Variants in SMG1 observed in about 807,000 individuals in gnomAD.
The protein encoded by SMG1 is SMG1 nonsense mediated mRNA decay associated PI3K related kinase, also known as serine/threonine-protein kinase SMG1.
In SMG1, 22 loss-of-function variants were observed where a neutral mutation model predicts 419.9. The observed-to-expected ratio is 0.05, with a 90% confidence interval of 0.04 to 0.07. The LOEUF is 0.07. SMG1 is among the 10% of genes least tolerant of loss of function. The probability of loss-of-function intolerance (pLI) is 1.00; values close to 1 mark genes in which losing one functional copy is unlikely to be tolerated. For missense variants in SMG1, 3,185 were observed against 4,342.0 expected (o/e 0.73, Z 7.49); for synonymous variants, 1,538 against 1,553.5 (o/e 0.99, Z 0.23).
At chr16:18,835,535 G>A (rs753375482) in intron 48 of SMG1, among the ~76,000 whole-genome samples, 10 of 152,278 alleles carry the variant, frequency 6.6e-5, no homozygotes, top group Non-Finnish European at 1.3e-4. Context: ...CAGCTACTTG[G>A]GAGGCTGAAG....
intron 8 of SMG1, 63 bp from the exon 9 acceptor site, chr16:18,884,230 T>A: frequency 1.3e-6 from 1 of 747,814 alleles, no homozygotes; most frequent in South Asian, 1.8e-5. Flanking sequence ...AAATCCAAAT[T>A]AAAAAAAAAT....
intron 51 of SMG1, among the ~76,000 whole-genome samples, chr16:18,831,704 C>T (rs964713830): frequency 2.1e-5 from 3 of 146,108 alleles, no homozygotes; most frequent in East Asian, 2.0e-4. Flanking sequence ...TGCAGCGAGC[C>T]GAGATCGCAC....
chr16:18,853,396 TC>T (rs1482611995), intron 31 of SMG1, among the ~76,000 whole-genome samples, 186 bp downstream of exon 31: 1 of 152,190 alleles, frequency 6.6e-6, no homozygotes, highest in African/African-American at 2.4e-5. Context: ...GGGGCAGAGT[TC>T]AGTGACTCCC....
intron 41 of SMG1, 135 bp from the exon 42 acceptor site, chr16:18,840,081 T>C (rs2033828119): frequency 2.9e-6 from 2 of 684,678 alleles, no homozygotes; most frequent in Admixed American, 5.9e-5. Flanking sequence ...CTAAATTTCA[T>C]GTATTAATAC....
Position 18,879,499 on chromosome 16 carries a change from G to T in SMG1, c.1514C>A (p.Thr505Lys), listed in dbSNP as rs555498556. 3.7e-6 allele frequency: 3 copies of T among 815,246 alleles called. No individual in the cohort carries two copies. Among genetic ancestry groups the T allele is most frequent in the African/African-American group, 3.4e-5 (2 of 59,162 alleles). The allele number at this position is 815,246 out of a possible 1,614,324, so 50.5% of individuals were successfully genotyped here. The change falls in exon 11 of 63, where the codon ACG becomes AAG. Residue 505 changes from threonine to lysine, a missense_variant. By Grantham distance (78) the Thr-to-Lys change is moderately conservative (BLOSUM62 -1). Around this residue, in one of 27 missense-constraint regions of SMG1, gnomAD observed 297 missense variants for 491.0 expected, o/e 0.60. Coordinates refer to ENST00000446231, the MANE Select transcript of SMG1 (RefSeq NM_015092.5). ...DYIISVLNLL[T>K]LIVEQINTKL... is the part of the protein sequence containing the mutation. ...GGAAAAGAATAATTCACATACCAGC[G>T]TGAGTAAATTCAAGACTGAGATGAT...
At position 18,816,409 on chromosome 16, in the gene SMG1, T is replaced by C. The variant is rs2141113361; in HGVS notation, c.10195A>G (p.Thr3399Ala). 1 of 1,613,942 alleles carries C rather than the reference T, an allele frequency of 6.2e-7. No individual in the cohort carries two copies. The highest frequency in any genetic ancestry group is 8.5e-7 in the Non-Finnish European group (1 of 1,179,860). ...IQTEKEQQIE[T>A]VCETIQNLVD... Reference sequence around the variant, plus strand: ...AGATTCTGAATTGTTTCACAGACCGTTTCTATCTGCTGCTCTTTCTCTGTC... The same window carrying C: ...AGATTCTGAATTGTTTCACAGACCGCTTCTATCTGCTGCTCTTTCTCTGTC... Residue 3399 changes from threonine to alanine, a missense_variant, in exon 58 of 63, where the codon ACG becomes GCG. Physicochemically the swap from Thr to Ala is moderately conservative, Grantham distance 58. This residue lies in a region of SMG1 where 737 missense variants were observed against 846.6 expected (regional missense o/e 0.87). Coordinates refer to ENST00000446231, the MANE Select transcript of SMG1 (RefSeq NM_015092.5).
chr16:18,809,282 C>T lies in SMG1; in HGVS notation c.*287G>A, dbSNP rs1030204808. 3 of 393,318 alleles carry T rather than the reference C, an allele frequency of 7.6e-6. No individual in the cohort carries two copies. The highest frequency in any genetic ancestry group is 4.6e-5 in the East Asian group (1 of 21,814). 24.4% of individuals were successfully genotyped at this position (393,318 alleles called of 1,614,324 possible). On this transcript the variant is annotated 3_prime_UTR_variant, in exon 63 of 63. Coordinates refer to ENST00000446231, the MANE Select transcript of SMG1 (RefSeq NM_015092.5). ...TCTTTCCGCAGCTAACCTCCCGACA[C>T]GTCTGCTGCTGTTCTGTGGCAGAAA...
At chr16:18,866,182 T>A (rs2035492940) in intron 23 of SMG1, 3 of 179,858 alleles carry the variant, frequency 1.7e-5, no homozygotes, top group Admixed American at 5.4e-5. Context: ...TTTCCTAAAT[T>A]CGCAAGATTT....
intron 1 of SMG1, among the ~76,000 whole-genome samples, chr16:18,923,639 A>G (rs1446740262): frequency 1.3e-5 from 2 of 149,506 alleles, no homozygotes; most frequent in Non-Finnish European, 3.0e-5. Context: ...CATCTCAGGA[A>G]GGAAAAAAAA....
At chr16:18,848,961 C>T (rs2034425655) in intron 36 of SMG1, among the ~76,000 whole-genome samples, 1 of 150,706 alleles carries the variant, frequency 6.6e-6, no homozygotes, top group South Asian at 2.1e-4. Flanking sequence ...ATCCCAGCTA[C>T]TCGGGAAGCT....
At chr16:18,906,059 C>T (rs1170048063) in intron 1 of SMG1, among the ~76,000 whole-genome samples, 2 of 152,146 alleles carry the variant, frequency 1.3e-5, no homozygotes, top group African/African-American at 2.4e-5. Context: ...CAACAAGCAC[C>T]ATACTCCCAG....
At position 18,838,372 on chromosome 16, in the gene SMG1, C is replaced by T. The variant is rs759192207; in HGVS notation, c.7179G>A (p.Arg2393=). Residue 2393 remains arginine (R), a synonymous_variant, in exon 44 of 63, where the codon AGG becomes AGA. Coordinates refer to ENST00000446231, the MANE Select transcript of SMG1 (RefSeq NM_015092.5). The part of the protein sequence containing the change: ...LGVTGVEGVF[R]LSCEQVLHIM... ...AACAGCATACCTGCTCACATGAAAG[C>T]CTAAATACACCTTCTACTCCAGTTA... is the stretch of plus-strand genomic sequence containing the variant. The T allele has an allele frequency of 1.2e-6, 2 of 1,609,992 alleles. No individual in the cohort carries two copies. The highest frequency in any genetic ancestry group is 1.7e-6 in the Non-Finnish European group (2 of 1,178,124).
rs1181721883 is a variant in SMG1, at chr16:18,845,658, A to C, written c.5997-7T>G. On this transcript the variant is annotated splice_polypyrimidine_tract_variant and splice_region_variant and intron_variant, in intron 38 of 62. Transcript: ENST00000446231. ...GATTGCAATTTTCTCTTCTCTGACC[A>C]AGAAGACATTTTTATTCAAAAACTT... 6.3e-7 allele frequency: 1 copy of C among 1,596,254 alleles called. No homozygotes were observed. Among genetic ancestry groups the C allele is most frequent in the South Asian group, 1.1e-5 (1 of 88,778 alleles).
intron 48 of SMG1, among the ~76,000 whole-genome samples, chr16:18,835,365 C>T (rs1303773918): frequency 6.6e-6 from 1 of 152,154 alleles, no homozygotes; most frequent in Non-Finnish European, 1.5e-5. Flanking sequence ...TGAGGCCAGG[C>T]ACCACGGCTC....
At chr16:18,866,899 T>C in intron 22 of SMG1, 124 bp from the exon 23 acceptor site, 1 of 648,614 alleles carries the variant, frequency 1.5e-6, no homozygotes, top group Admixed American at 2.9e-5. Context: ...TTTTCACAAT[T>C]TTCACATTAT....
chr16:18,885,467 C>G (rs1430121645), intron 7 of SMG1, 74 bp downstream of exon 7: 3 of 1,558,746 alleles, frequency 1.9e-6, no homozygotes, highest in Non-Finnish European at 2.6e-6. Context: ...TGTTTTCCAT[C>G]TGTTTCCTCA....
chr16:18,816,526 T>G lies in SMG1; in HGVS notation c.10078A>C (p.Thr3360Pro), dbSNP rs2032014695. Reference protein sequence around the residue: ...LELRLLQRVDTGLEHPIGSSE... With the variant: ...LELRLLQRVDPGLEHPIGSSE... The stretch of plus-strand genomic sequence containing the variant: ...CTGCCAATAGGATGTTCAAGACCAG[T>G]GTCCTAAATAGAACAAGCATTTGTT... Residue 3360 changes from threonine to proline, a missense_variant, in exon 58 of 63, where the codon ACT (threonine) becomes CCT (proline). This residue lies in a region of SMG1 where 737 missense variants were observed against 846.6 expected (regional missense o/e 0.87). Transcript: ENST00000446231. 1 of 1,613,034 alleles carries G rather than the reference T, an allele frequency of 6.2e-7. No individual in the cohort carries two copies. Among genetic ancestry groups the G allele is most frequent in the Non-Finnish European group, 8.5e-7 (1 of 1,179,524 alleles).
intron 13 of SMG1, 78 bp downstream of exon 13, chr16:18,876,046 G>T: frequency 2.8e-6 from 4 of 1,415,840 alleles, no homozygotes; most frequent in Non-Finnish European, 4.0e-6. Flanking sequence ...ATCTTGACAT[G>T]ACAGTGAAAT....
chr16:18,848,139 G>T, intron 36 of SMG1, 106 bp from the exon 37 acceptor site: 1 of 918,256 alleles, frequency 1.1e-6, no homozygotes, highest in Admixed American at 2.2e-5. Context: ...AGCACTCATT[G>T]AACTCATTTG....
Sources: gnomAD v4.1 joint callset for allele counts (sites outside exome capture counted in the v4.1 genomes callset) on GRCh38, gnomAD v4.1.1 for gene constraint, gnomAD v4.1.1 regional missense constraint, MANE v1.5 for transcripts, NCBI Gene and HGNC (gene_info 2026-07-23, HGNC 2026-07-21) for gene names.